NCS1: variants seen among roughly 807,000 people sequenced by gnomAD.
NCS1 encodes neuronal calcium sensor 1.
A neutral mutation model predicts 28.4 loss-of-function variants in NCS1; 6 were observed. The observed-to-expected ratio is 0.21, with a 90% CI of 0.12 to 0.42. The LOEUF is 0.42. NCS1 is among the 10% of genes least tolerant of loss of function. The pLI, the probability that NCS1 is intolerant of heterozygous loss-of-function variation, is 1.00. For missense variants in NCS1, 131 were observed against 241.4 expected, an observed-to-expected ratio of 0.54 and a Z score of 3.03; for synonymous variants, 86 against 99.3, an observed-to-expected ratio of 0.87 and a Z score of 0.79.
chr9:130,219,197 G>T lies in NCS1; in HGVS notation c.229-528G>T, dbSNP rs1833234025. On this transcript the variant is annotated intron_variant, in intron 3 of 7. Coordinates refer to ENST00000372398, the MANE Select transcript of NCS1 (RefSeq NM_014286.4). This position sits in a 1 kb window ranked among gnomAD's most constrained non-coding sequence, Gnocchi z 5.7. Reference sequence around the variant, plus strand: ...ACCCCCTGCTGCTGGCACCGTGGAGGTTTCTATTCTATCCCATCCCCAGCT... The same window carrying T: ...ACCCCCTGCTGCTGGCACCGTGGAGTTTTCTATTCTATCCCATCCCCAGCT... Among the ~76,000 whole-genome samples the T allele has an allele frequency of 1.3e-5, 2 of 152,090 alleles. No homozygotes were observed. Among genetic ancestry groups the T allele is most frequent in the Admixed American group, 6.6e-5 (1 of 15,262 alleles).
At chr9:130,187,817 C>T (rs1588110935) in intron 1 of NCS1, among the ~76,000 whole-genome samples, 1 of 152,206 alleles carries the variant, frequency 6.6e-6, no homozygotes, top group African/African-American at 2.4e-5. Context: ...CCCTGCTCTA[C>T]CGGCTATGAC....
chr9:130,216,152 C>T (rs563503255), intron 2 of NCS1, among the ~76,000 whole-genome samples: 1 of 152,276 alleles, frequency 6.6e-6, no homozygotes. Context: ...TTTCCATGTG[C>T]GTCCTCTCTG....
At position 130,219,944 on chromosome 9, in the gene NCS1, G is replaced by A; in HGVS notation, c.307+141G>A. On this transcript the variant is annotated intron_variant, in intron 4 of 7. Transcript: ENST00000372398. The surrounding 1 kb of genome is among the most constrained non-coding windows in gnomAD (Gnocchi z 5.7). ...ATGGCGTCCCAGCTGTGTCTGCAGA[G>A]GGCAGGCCTGGGCCCTGGGCAGGTG... is the stretch of plus-strand genomic sequence containing the variant. 1.1e-6 allele frequency: 1 copy of A among 900,226 alleles called. No homozygotes were observed. Among genetic ancestry groups the A allele is most frequent in the Non-Finnish European group, 1.8e-6 (1 of 564,910 alleles). 55.8% of individuals were successfully genotyped at this position (900,226 alleles called of 1,614,324 possible). A position where few individuals can be genotyped will look rare whatever the true frequency, so the allele number is the denominator to read the frequency against.
intron 1 of NCS1, chr9:130,200,736 G>C (rs537801077): frequency 1.4e-6 from 2 of 1,443,020 alleles, no homozygotes; most frequent in African/African-American, 1.4e-5. Flanking sequence ...CTTGGGCACC[G>C]GGAAGGGGTG....
rs1426958244 is a variant in NCS1 at position 130,209,503 on chromosome 9, A to C, written c.90-8329A>C. ...ATTTGTTCACTGATTCATTCAGTAC[A>C]TCTTGACTGAGCACCTACTCTATGC... On this transcript the variant is annotated intron_variant, in intron 2 of 7. Transcript: ENST00000372398. This position sits in a 1 kb window ranked among gnomAD's most constrained non-coding sequence, Gnocchi z 4.4. Among the ~76,000 whole-genome samples the C allele has an allele frequency of 1.3e-5, 2 of 152,232 alleles. No homozygotes were observed. Among genetic ancestry groups the C allele is most frequent in the African/African-American group, 4.8e-5 (2 of 41,466 alleles).
rs554169476 is a variant in NCS1, at chr9:130,191,095, G to T, written c.65-9863G>T. The stretch of plus-strand genomic sequence containing the variant: ...GGGCGCCCACCATGTGCTGGGCTCA[G>T]TGCTTGTGATGTGTATCCTCTCGTT... On this transcript the variant is annotated intron_variant, in intron 1 of 7. Transcript: ENST00000372398. This position sits in a 1 kb window ranked among gnomAD's most constrained non-coding sequence, Gnocchi z 6.4. Among the ~76,000 whole-genome samples the T allele has an allele frequency of 1.3e-5, 2 of 152,328 alleles. No individual in the cohort carries two copies. Among genetic ancestry groups the T allele is most frequent in the South Asian group, 4.1e-4 (2 of 4,826 alleles).
At chr9:130,210,825 CCTTTTT>C (rs1199108370) in intron 2 of NCS1, among the ~76,000 whole-genome samples, 2 of 151,384 alleles carry the variant, frequency 1.3e-5, no homozygotes, top group Admixed American at 6.6e-5. Flanking sequence ...AAATTCAACA[CCTTTTT>C]CTTTTTCTTT....
At chr9:130,188,055 C>T (rs1037207909) in intron 1 of NCS1, among the ~76,000 whole-genome samples, 11 of 152,346 alleles carry the variant, frequency 7.2e-5, no homozygotes, top group African/African-American at 2.2e-4. Context: ...GCAGTTCCTG[C>T]CCCTGTGGGG....
intron 1 of NCS1, chr9:130,200,660 C>G: frequency 6.4e-7 from 1 of 1,551,760 alleles, no homozygotes; most frequent in African/African-American, 1.4e-5. Context: ...GAGAAGCAAA[C>G]CCTTGAGTGC....
chr9:130,217,988 G>T lies in NCS1; in HGVS notation c.228+18G>T. The T allele has an allele frequency of 6.2e-7, 1 of 1,613,820 alleles. No homozygotes were observed. ...AAAACAAGGTGAGCTGGGGATTGAT[G>T]GGGCCTGCGGCAGCTGGCTCAGCTC... On this transcript the variant is annotated intron_variant, in intron 3 of 7. Coordinates refer to ENST00000372398, the MANE Select transcript of NCS1 (RefSeq NM_014286.4).
At chr9:130,211,771 G>C (rs1276078321) in intron 2 of NCS1, among the ~76,000 whole-genome samples, 1 of 152,170 alleles carries the variant, frequency 6.6e-6, no homozygotes, top group Non-Finnish European at 1.5e-5. Context: ...GGGCGGTGCA[G>C]GTTTGGAGGT....
chr9:130,180,044 TATCTATC>T lies in NCS1; in HGVS notation c.64+7318_64+7324del, dbSNP rs1181112799. Among the ~76,000 whole-genome samples the T allele has an allele frequency of 6.1e-5, 8 of 131,286 alleles. No individual in the cohort carries two copies. The highest frequency in any genetic ancestry group is 7.8e-5 in the Admixed American group (1 of 12,816). The allele number at this position is 131,286 out of a possible 152,430, so 86.1% of individuals were successfully genotyped here. On this transcript the variant is annotated intron_variant, in intron 1 of 7. Transcript: ENST00000372398. This position sits in a 1 kb window ranked among gnomAD's most constrained non-coding sequence, Gnocchi z 4.5. ...CTATCTATCTATCTATCTATCTATC[TATCTATC>T]GAGATGGAATCTCACTTCCGTCACC...
chr9:130,207,428 G>A (rs1401783220), intron 2 of NCS1, among the ~76,000 whole-genome samples: 1 of 152,184 alleles, frequency 6.6e-6, no homozygotes, highest in African/African-American at 2.4e-5. Flanking sequence ...TGCCCCTGCT[G>A]TTCCTTTTGC....
intron 1 of NCS1, among the ~76,000 whole-genome samples, chr9:130,185,528 C>A (rs992332976): frequency 6.6e-6 from 1 of 152,166 alleles, no homozygotes; most frequent in Admixed American, 6.5e-5. Flanking sequence ...GGACCCCAGA[C>A]CCTTCTCACC....
chr9:130,210,764 G>A lies in NCS1; in HGVS notation c.90-7068G>A, dbSNP rs191188522. Among the ~76,000 whole-genome samples the A allele has an allele frequency of 3.7e-3, 562 of 152,126 alleles. 1 individual carries two copies. Among genetic ancestry groups the A allele is most frequent in the Non-Finnish European group, 6.2e-3 (423 of 67,968 alleles). On this transcript the variant is annotated intron_variant, in intron 2 of 7. Transcript: ENST00000372398. ...CAAGAGTGGGGCAGGATCAAGCCAGGACTGAAGCTTGAGCCCTTCTTTTTC... is the reference window on the plus strand; with the variant it reads ...CAAGAGTGGGGCAGGATCAAGCCAGAACTGAAGCTTGAGCCCTTCTTTTTC...
At chr9:130,202,768 C>T (rs145768093) in intron 2 of NCS1, among the ~76,000 whole-genome samples, 2,183 of 152,010 alleles carry the variant, frequency 0.014, 48 homozygotes, top group African/African-American at 0.049. Context: ...TTAGTAGAGA[C>T]GGGGTTTCAC....
Position 130,235,859 on chromosome 9 carries a change from C to T in NCS1, c.*2887C>T, listed in dbSNP as rs1461022290. 6.6e-6 allele frequency: 1 copy of T among 152,330 alleles called. No individual in the cohort carries two copies. The highest frequency in any genetic ancestry group is 2.4e-5 in the African/African-American group (1 of 41,458). 9.4% of individuals were successfully genotyped at this position (152,330 alleles called of 1,614,324 possible). A position where few individuals can be genotyped will look rare whatever the true frequency, so the allele number is the denominator to read the frequency against. ...GCTTCAGATGCTCTGATGCAGAGGG[C>T]ACGCCCATAGTCCCTCTGCAGAGCC... On this transcript the variant is annotated 3_prime_UTR_variant, in exon 8 of 8. Coordinates refer to ENST00000372398, the MANE Select transcript of NCS1 (RefSeq NM_014286.4).
chr9:130,207,618 C>T (rs560215139), intron 2 of NCS1, among the ~76,000 whole-genome samples: 1 of 152,340 alleles, frequency 6.6e-6, no homozygotes, highest in East Asian at 1.9e-4. Flanking sequence ...TGTGATTTGT[C>T]CTGGGCCGCA....
At chr9:130,172,777 ACCGCCC>A (rs782151980) in intron 1 of NCS1, 50 bp downstream of exon 1, 20 of 674,600 alleles carry the variant, frequency 3.0e-5, no homozygotes, top group African/African-American at 2.4e-4. Context: ...CCCCACACCC[ACCGCCC>A]CCGCCCCCGC....
Sources: gnomAD v4.1 joint callset for allele counts (sites outside exome capture counted in the v4.1 genomes callset) on GRCh38, gnomAD v4.1.1 for gene constraint, Gnocchi (gnomAD v3.1) non-coding constraint, MANE v1.5 for transcripts, NCBI Gene and HGNC (gene_info 2026-07-23, HGNC 2026-07-21) for gene names.